The following EFR3B variants were observed in gnomAD, a reference collection of about 807,000 sequenced individuals.
EFR3B encodes the protein protein EFR3 homolog B.
Under a neutral mutation model 104.7 loss-of-function variants are expected in EFR3B, and 64 were observed. The observed-to-expected ratio is 0.61, with a 90% CI of 0.50 to 0.75. The LOEUF (loss-of-function observed/expected upper bound fraction) is 0.75. Among genes scored for constraint, EFR3B ranks in the 30% least tolerant of loss-of-function variants. The probability of loss-of-function intolerance (pLI) is 0.00; values close to 1 mark genes in which losing one functional copy is unlikely to be tolerated. For missense variants in EFR3B, 750 were observed against 1,078.5 expected, an observed-to-expected ratio of 0.70 and a Z score of 4.27; for synonymous variants, 385 against 417.9, an observed-to-expected ratio of 0.92 and a Z score of 0.96.
intron 1 of EFR3B, among the ~76,000 whole-genome samples, chr2:25,071,196 G>A (rs1028414438): frequency 4.6e-5 from 7 of 151,398 alleles, no homozygotes; most frequent in Non-Finnish European, 1.0e-4. Context: ...TCCTGACCTC[G>A]TGATCCGCCT....
intron 16 of EFR3B, 142 bp from the exon 17 acceptor site, chr2:25,141,224 C>A (rs1266075380): frequency 8.5e-6 from 7 of 819,460 alleles, no homozygotes; most frequent in Non-Finnish European, 1.3e-5. Context: ...CGAGTTTCCA[C>A]TGAAAAGCTC....
At chr2:25,094,051 C>T (rs1669208360) in intron 3 of EFR3B, among the ~76,000 whole-genome samples, 1 of 151,886 alleles carries the variant, frequency 6.6e-6, no homozygotes, top group Admixed American at 6.6e-5. Flanking sequence ...CTTTAGGAGG[C>T]TGAGGTGGGA....
chr2:25,083,208 CA>C (rs1219424088), intron 1 of EFR3B, among the ~76,000 whole-genome samples: 12 of 152,272 alleles, frequency 7.9e-5, no homozygotes, highest in African/African-American at 2.6e-4. Context: ...GAGGATCCTT[CA>C]TAAATTTACC....
At chr2:25,129,457 C>T (rs1434294262) in intron 6 of EFR3B, among the ~76,000 whole-genome samples, 1 of 94,548 alleles carries the variant, frequency 1.1e-5, no homozygotes, top group African/African-American at 3.3e-5. Flanking sequence ...GGCTGGGAGT[C>T]CTCCGGCTCC....
At chr2:25,080,146 A>T in intron 1 of EFR3B, 1 of 1,260,002 alleles carries the variant, frequency 7.9e-7, no homozygotes, top group South Asian at 1.2e-5. Flanking sequence ...ATCACAGTGC[A>T]TGATTCTTCA....
intron 20 of EFR3B, among the ~76,000 whole-genome samples, chr2:25,149,995 CA>C (rs1487952989): frequency 6.6e-6 from 1 of 152,176 alleles, no homozygotes; most frequent in Admixed American, 6.5e-5. Flanking sequence ...CCAGTAAAGA[CA>C]GCTGCCTTTA....
intron 5 of EFR3B, among the ~76,000 whole-genome samples, chr2:25,126,567 C>A (rs1461958775): frequency 6.6e-6 from 1 of 152,030 alleles, no homozygotes; most frequent in African/African-American, 2.4e-5. Context: ...ACCATGTTGA[C>A]CAGGCTGTTC....
At position 25,141,268 on chromosome 2, in the gene EFR3B, G is replaced by T. The variant is rs1372337749; in HGVS notation, c.1855-98G>T. The T allele has an allele frequency of 5.5e-6, 7 of 1,283,052 alleles. No individual in the cohort carries two copies. The East Asian group carries it at 1.8e-4, about 33-fold the overall frequency. The allele number at this position is 1,283,052 out of a possible 1,614,324, so 79.5% of individuals were successfully genotyped here. ...ACACTGTGCTGAGGAGGCTGTGGGA[G>T]GGAGGAAGCACCGAGCCGGGCATGG... On this transcript the variant is annotated intron_variant, in intron 16 of 22. Coordinates refer to ENST00000403714, the MANE Select transcript of EFR3B (RefSeq NM_014971.2).
chr2:25,127,898 C>G (rs1417299169), intron 5 of EFR3B, among the ~76,000 whole-genome samples: 1 of 152,162 alleles, frequency 6.6e-6, no homozygotes, highest in Non-Finnish European at 1.5e-5. Context: ...CAGCTAAGTA[C>G]TAAAGATGGG....
intron 21 of EFR3B, among the ~76,000 whole-genome samples, chr2:25,152,754 C>G (rs1671046480): frequency 6.6e-6 from 1 of 151,832 alleles, no homozygotes; most frequent in Non-Finnish European, 1.5e-5. Flanking sequence ...CTACAAATAA[C>G]CTATTCTCCT....
chr2:25,071,222 AG>A (rs1668486556), intron 1 of EFR3B, among the ~76,000 whole-genome samples: 1 of 144,830 alleles, frequency 6.9e-6, no homozygotes, highest in African/African-American at 2.6e-5. Context: ...GGCCTCCCAA[AG>A]TGCTGGGATT....
rs10207682 is a variant in EFR3B at position 25,096,165 on chromosome 2, G to A, written c.212+3035G>A. On this transcript the variant is annotated intron_variant, in intron 3 of 22. Transcript: ENST00000403714. ...TGAATAGCTGGGACTACAGGCACGT[G>A]CCACCACACCTGGCTAATTTTTGTG... Among the ~76,000 whole-genome samples the A allele has an allele frequency of 4.4e-3, 674 of 152,246 alleles. 2 individuals are homozygous for A. The highest frequency in any genetic ancestry group is 0.012 in the African/African-American group (485 of 41,548).
chr2:25,119,568 G>T (rs571975794), intron 4 of EFR3B, among the ~76,000 whole-genome samples: 42 of 152,330 alleles, frequency 2.8e-4, no homozygotes, highest in African/African-American at 9.6e-4. Flanking sequence ...TTGTGATCAC[G>T]TGGATTACCA....
chr2:25,100,771 C>T lies in EFR3B; in HGVS notation c.213-2866C>T, dbSNP rs375821514. Reference sequence around the variant, plus strand: ...CCTCCCAAAGTGCTGGGATTACAGGCGTGAGCCACAGCGCCCGGCCTCCCC... The same window carrying T: ...CCTCCCAAAGTGCTGGGATTACAGGTGTGAGCCACAGCGCCCGGCCTCCCC... On this transcript the variant is annotated intron_variant, in intron 3 of 22. Coordinates refer to ENST00000403714, the MANE Select transcript of EFR3B (RefSeq NM_014971.2). Among the ~76,000 whole-genome samples the T allele has an allele frequency of 2.4e-4, 36 of 152,318 alleles. No homozygotes were observed. The South Asian group carries it at 6.2e-3, about 26-fold the overall frequency.
At chr2:25,045,553 G>A (rs573229700) in intron 1 of EFR3B, among the ~76,000 whole-genome samples, 8 of 152,180 alleles carry the variant, frequency 5.3e-5, no homozygotes, top group East Asian at 1.9e-4. Context: ...AGGCTGAGGC[G>A]GGCAGATCAC....
chr2:25,064,260 G>C (rs957018186), intron 1 of EFR3B, among the ~76,000 whole-genome samples: 3 of 152,172 alleles, frequency 2.0e-5, no homozygotes, highest in Non-Finnish European at 4.4e-5. Context: ...TTGGGCGTTC[G>C]AATGATTGAT....
intron 2 of EFR3B, among the ~76,000 whole-genome samples, chr2:25,092,257 A>G (rs1669146186): frequency 6.6e-6 from 1 of 150,714 alleles, no homozygotes; most frequent in Non-Finnish European, 1.5e-5. Context: ...TTTAGCAGAG[A>G]CGGGATTTCA....
rs1668774728 is a variant in EFR3B, at chr2:25,080,579, C to T, written c.8-10746C>T. ...AAAGTGTTGGGATTACAGGCATGAG[C>T]CACCACTCCTGGCCCCTGAAGTTTT... is the stretch of plus-strand genomic sequence containing the variant. On this transcript the variant is annotated intron_variant, in intron 1 of 22. Coordinates refer to ENST00000403714, the MANE Select transcript of EFR3B (RefSeq NM_014971.2). 2.3e-5 allele frequency: 12 copies of T among 517,710 alleles called. No homozygotes were observed. In the South Asian group the frequency reaches 2.4e-4, roughly 10 times the overall value. 32.1% of individuals were successfully genotyped at this position (517,710 alleles called of 1,614,324 possible). A position where few individuals can be genotyped will look rare whatever the true frequency, so the allele number is the denominator to read the frequency against.
chr2:25,067,646 G>A (rs1260498257), intron 1 of EFR3B, among the ~76,000 whole-genome samples: 1 of 151,728 alleles, frequency 6.6e-6, no homozygotes, highest in Non-Finnish European at 1.5e-5. Context: ...GTTAACCAGG[G>A]TGGTCTCGAT....
Sources: allele counts gnomAD v4.1 joint callset (sites outside exome capture counted in the v4.1 genomes callset), GRCh38; gene constraint gnomAD v4.1.1; transcripts MANE v1.5; gene names NCBI Gene and HGNC (gene_info 2026-07-23, HGNC 2026-07-21).